Variants in TMEM74 observed in about 807,000 individuals in gnomAD.
TMEM74 encodes the protein transmembrane protein 74.
Under a neutral mutation model 18.1 loss-of-function variants are expected in TMEM74, and 13 were observed. The ratio of observed to expected loss-of-function variants is 0.72; its 90% CI spans 0.47 to 1.14. TMEM74 has a LOEUF of 1.14. TMEM74 is among the 50% of genes most tolerant of loss of function. TMEM74 has a pLI of 0.00. For missense variants in TMEM74, 372 were observed against 375.9 expected (o/e 0.99, Z 0.09); for synonymous variants, 159 against 146.6 (o/e 1.08, Z -0.61).
rs1334461821 is a variant in TMEM74 at position 108,783,462 on chromosome 8, TA to T, written c.*718del. On this transcript the variant is annotated 3_prime_UTR_variant, in exon 2 of 2. Transcript: ENST00000297459. ...ATCAGTAACTAATTTGACTTCATTTTAAAAAAGAGCCTGTGACCCTGGCTAA... is the reference window on the plus strand; with the variant it reads ...ATCAGTAACTAATTTGACTTCATTTTAAAAAGAGCCTGTGACCCTGGCTAA... The T allele has an allele frequency of 6.6e-6, 1 of 152,230 alleles. No individual in the cohort carries two copies. Among genetic ancestry groups the T allele is most frequent in the African/African-American group, 2.4e-5 (1 of 41,460 alleles). The allele number at this position is 152,230 out of a possible 1,614,324, so 9.4% of individuals were successfully genotyped here.
Position 108,784,398 on chromosome 8 carries a change from G to A in TMEM74, c.701C>T (p.Ala234Val), listed in dbSNP as rs760969885. The A allele has an allele frequency of 1.4e-5, 23 of 1,613,896 alleles. No homozygotes were observed. Among genetic ancestry groups the A allele is most frequent in the Non-Finnish European group, 1.9e-5 (22 of 1,179,998 alleles). The change falls in exon 2 of 2, where the codon GCG becomes GTG. Residue 234 changes from alanine (A) to valine (V), a missense_variant. Ala to Val is a moderately conservative substitution (Grantham distance 64). Coordinates refer to ENST00000297459, the MANE Select transcript of TMEM74 (RefSeq NM_153015.3). The stretch of plus-strand genomic sequence containing the variant: ...CCCCAGCGTGAGGAGGCAGAGCCCC[G>A]CAATCACACAGCGGTCCAGGTGAGC... ...LGAHLDRCVI[A>V]GLCLLTLGGV... is the part of the protein sequence containing the mutation.
intron 1 of TMEM74, among the ~76,000 whole-genome samples, chr8:108,682,909 A>G (rs1048563914): frequency 3.3e-5 from 5 of 151,992 alleles, no homozygotes; most frequent in African/African-American, 1.2e-4. Flanking sequence ...AATCAATAAA[A>G]TGAGAAGTTA....
At chr8:108,608,195 G>A (rs983147060) in intron 3 of TMEM74, among the ~76,000 whole-genome samples, 9 of 151,374 alleles carry the variant, frequency 5.9e-5, no homozygotes, top group Admixed American at 5.9e-4. Context: ...CCGGCTATTC[G>A]AGAGGCTGAG....
At chr8:108,663,420 C>G (rs1164003861) in intron 1 of TMEM74, among the ~76,000 whole-genome samples, 1 of 152,152 alleles carries the variant, frequency 6.6e-6, no homozygotes, top group African/African-American at 2.4e-5. Context: ...AACACCATCT[C>G]ATGCCAGTCG....
intron 1 of TMEM74, among the ~76,000 whole-genome samples, chr8:108,767,833 T>C (rs1814126825): frequency 6.6e-6 from 1 of 152,162 alleles, no homozygotes; most frequent in Non-Finnish European, 1.5e-5. Flanking sequence ...TCAATTCTTT[T>C]TGAAACAGAT....
intron 2 of TMEM74, among the ~76,000 whole-genome samples, chr8:108,624,252 A>G (rs1812471775): frequency 6.6e-6 from 1 of 152,116 alleles, no homozygotes; most frequent in Non-Finnish European, 1.5e-5. Flanking sequence ...TTAAAGTGTT[A>G]ACCTGGCCTT....
At chr8:108,772,879 G>A (rs1166415298) in intron 1 of TMEM74, among the ~76,000 whole-genome samples, 2 of 152,054 alleles carry the variant, frequency 1.3e-5, no homozygotes, top group African/African-American at 2.4e-5. Flanking sequence ...GATAATAAAA[G>A]GACCTACCTC....
intron 1 of TMEM74, among the ~76,000 whole-genome samples, chr8:108,771,483 C>T (rs1814170304): frequency 1.3e-5 from 2 of 152,038 alleles, no homozygotes; most frequent in Non-Finnish European, 1.5e-5. Flanking sequence ...AGAGATAACA[C>T]TGTTTATATT....
At chr8:108,650,630 G>A (rs1006731241) in intron 2 of TMEM74, among the ~76,000 whole-genome samples, 6 of 152,206 alleles carry the variant, frequency 3.9e-5, no homozygotes, top group African/African-American at 1.4e-4. Context: ...TCTTCTCCAT[G>A]AAATTTGCCT....
chr8:108,713,795 CT>C (rs1278105782), intron 1 of TMEM74, among the ~76,000 whole-genome samples: 1 of 152,176 alleles, frequency 6.6e-6, no homozygotes, highest in African/African-American at 2.4e-5. Context: ...CATCTGCAAG[CT>C]GGAGACCCTG....
intron 2 of TMEM74, among the ~76,000 whole-genome samples, chr8:108,632,074 A>G (rs1812558144): frequency 6.6e-6 from 1 of 151,984 alleles, no homozygotes; most frequent in African/African-American, 2.4e-5. Flanking sequence ...CACAGTAGAG[A>G]TTAATAGTTA....
At chr8:108,611,119 T>A (rs544296311) in intron 2 of TMEM74, among the ~76,000 whole-genome samples, 88 of 152,306 alleles carry the variant, frequency 5.8e-4, no homozygotes, top group African/African-American at 2.0e-3. Context: ...TTGCCTCAAT[T>A]TCTGGAGTTT....
intron 1 of TMEM74, among the ~76,000 whole-genome samples, chr8:108,763,941 T>C (rs1410371761): frequency 3.9e-5 from 6 of 152,128 alleles, no homozygotes; most frequent in Admixed American, 3.9e-4. Flanking sequence ...GAAAAGAAAG[T>C]AAAAGAGTTA....
chr8:108,622,263 T>C (rs1586236972), intron 2 of TMEM74, among the ~76,000 whole-genome samples: 1 of 152,072 alleles, frequency 6.6e-6, no homozygotes, highest in African/African-American at 2.4e-5. Flanking sequence ...CCACTACTGA[T>C]GGAACATGGG....
chr8:108,752,858 C>A (rs1301514608), intron 1 of TMEM74, among the ~76,000 whole-genome samples: 2 of 152,054 alleles, frequency 1.3e-5, no homozygotes, highest in Non-Finnish European at 2.9e-5. Flanking sequence ...TCTTTCTTGT[C>A]AGTATAACCA....
At chr8:108,729,350 T>C (rs1187107826) in intron 1 of TMEM74, among the ~76,000 whole-genome samples, 1 of 152,220 alleles carries the variant, frequency 6.6e-6, no homozygotes, top group African/African-American at 2.4e-5. Context: ...TTTGAATCTC[T>C]GACTTCAGCC....
chr8:108,646,261 C>A (rs1298376703), intron 2 of TMEM74, among the ~76,000 whole-genome samples: 1 of 151,948 alleles, frequency 6.6e-6, no homozygotes, highest in Non-Finnish European at 1.5e-5. Context: ...CAGTGTAGTG[C>A]TTGGGTTGAG....
intron 1 of TMEM74, among the ~76,000 whole-genome samples, chr8:108,742,150 G>T (rs1813807262): frequency 6.6e-6 from 1 of 152,064 alleles, no homozygotes; most frequent in Admixed American, 6.6e-5. Context: ...CGGGTTGAGG[G>T]TGGGAGGAGG....
rs1173518544 is a variant in TMEM74 at position 108,785,123 on chromosome 8, C to T, written c.-25G>A. ...TGAGAGCTAGTCAGACATCCCCCAG[C>T]AGCTTCCGGAAAGTCTGCCAATAGC... On this transcript the variant is annotated 5_prime_UTR_variant, in exon 2 of 2. Transcript: ENST00000297459. The T allele has an allele frequency of 6.5e-7, 1 of 1,548,698 alleles. No homozygotes were observed. Among genetic ancestry groups the T allele is most frequent in the Non-Finnish European group, 8.7e-7 (1 of 1,152,026 alleles).
Sources: gnomAD v4.1 joint callset for allele counts (sites outside exome capture counted in the v4.1 genomes callset) on GRCh38, gnomAD v4.1.1 for gene constraint, MANE v1.5 for transcripts, NCBI Gene and HGNC (gene_info 2026-07-23, HGNC 2026-07-21) for gene names.